Variants in ORC6 observed in about 807,000 individuals in gnomAD.
The protein encoded by ORC6 is origin recognition complex subunit 6, also known as origin recognition complex, subunit 6 homolog-like (yeast).
ORC6 carries 31 observed loss-of-function variants against 30.0 expected under a neutral mutation model. The observed-to-expected ratio is 1.03, with a 90% CI of 0.78 to 1.40. The LOEUF (loss-of-function observed/expected upper bound fraction) is 1.40. Among genes scored for constraint, ORC6 ranks in the 40% most tolerant of loss-of-function variants. The pLI is 0.00. For missense variants in ORC6, 340 were observed against 304.3 expected, an observed-to-expected ratio of 1.12 and a Z score of -0.87; for synonymous variants, 136 against 111.2, an observed-to-expected ratio of 1.22 and a Z score of -1.40.
chr16:46,692,382 G>C lies in ORC6; in HGVS notation c.196G>C (p.Ala66Pro), dbSNP rs768450500. The C allele has an allele frequency of 1.2e-6, 2 of 1,612,040 alleles. No homozygotes were observed. The highest frequency in any genetic ancestry group is 1.7e-5 in the Admixed American group (1 of 59,996). Residue 66 changes from alanine to proline, a missense_variant and splice_region_variant, in exon 3 of 7, where the codon GCT becomes CCT. Physicochemically the swap from Ala to Pro is conservative, Grantham distance 27. Transcript: ENST00000219097. ...ASWMKCPLDRAYLIKLSGLNK... is the reference protein window; with the variant it reads ...ASWMKCPLDRPYLIKLSGLNK... ...TGTGTATGTGTTTTTCCTTTCACAG[G>C]CTTATTTAATTAAACTTTCTGGTTT...
chr16:46,690,998 G>A lies in ORC6; in HGVS notation c.73G>A (p.Glu25Lys). 1 of 1,614,240 alleles carries A rather than the reference G, an allele frequency of 6.2e-7. No individual in the cohort carries two copies. The highest frequency in any genetic ancestry group is 8.5e-7 in the Non-Finnish European group (1 of 1,180,042). ...LAEPDMLRKA[E>K]EYLRLSRVKC... ...CACTGCCCTTTTAACCAGGAAAGCAGAGGAGTACTTGCGCCTGTCCCGGGT... is the reference window on the plus strand; with the variant it reads ...CACTGCCCTTTTAACCAGGAAAGCAAAGGAGTACTTGCGCCTGTCCCGGGT... The change falls in exon 2 of 7, where the codon GAG becomes AAG. Residue 25 changes from glutamate to lysine, a missense_variant. Transcript: ENST00000219097.
intron 4 of ORC6, chr16:46,694,077 C>T (rs1253528878): frequency 2.3e-5 from 1 of 42,720 alleles, no homozygotes; most frequent in Non-Finnish European, 4.7e-5. Flanking sequence ...GAGCATGCTG[C>T]CTTCAAGCAT....
At position 46,692,379 on chromosome 16, in the gene ORC6, C is replaced by T. The variant is rs1172137807; in HGVS notation, c.196-3C>T. On this transcript the variant is annotated splice_polypyrimidine_tract_variant and splice_region_variant and intron_variant, in intron 2 of 6. Coordinates refer to ENST00000219097, the MANE Select transcript of ORC6 (RefSeq NM_014321.4). ...ATTTGTGTATGTGTTTTTCCTTTCA[C>T]AGGCTTATTTAATTAAACTTTCTGG... 6.2e-7 allele frequency: 1 copy of T among 1,611,440 alleles called. No individual in the cohort carries two copies. Among genetic ancestry groups the T allele is most frequent in the African/African-American group, 1.3e-5 (1 of 74,854 alleles).
At chr16:46,695,043 G>T (rs1966503942) in intron 4 of ORC6, 1 of 168,038 alleles carries the variant, frequency 6.0e-6, no homozygotes, top group Non-Finnish European at 1.3e-5. Context: ...GTAGAAAACA[G>T]TGAGAATAGT....
chr16:46,697,912 C>T lies in ORC6; in HGVS notation c.*327C>T, dbSNP rs1173616958. 2.4e-5 allele frequency: 11 copies of T among 460,800 alleles called. No homozygotes were observed. Among genetic ancestry groups the T allele is most frequent in the Admixed American group, 1.9e-4 (8 of 42,776 alleles). 28.5% of individuals were successfully genotyped at this position (460,800 alleles called of 1,614,324 possible). On this transcript the variant is annotated 3_prime_UTR_variant, in exon 7 of 7. Coordinates refer to ENST00000219097, the MANE Select transcript of ORC6 (RefSeq NM_014321.4). ...GGTGGATCACCTGAGGTCAGGAGCT[C>T]GAGACCAGCCTGGCCAACATGGTGA...
At chr16:46,695,862 G>A in intron 5 of ORC6, 155 bp from the exon 6 acceptor site, 1 of 760,574 alleles carries the variant, frequency 1.3e-6, no homozygotes, top group South Asian at 1.5e-5. Context: ...TGATTCTCAA[G>A]TCTGACAAGA....
intron 4 of ORC6, 89 bp from the exon 5 acceptor site, chr16:46,695,473 T>C: frequency 1.2e-6 from 1 of 807,878 alleles, no homozygotes; most frequent in South Asian, 1.5e-5. Flanking sequence ...GGAAGCATGG[T>C]CAAAAAGAAA....
chr16:46,694,530 G>A (rs1478652653), intron 4 of ORC6: 11 of 142,434 alleles, frequency 7.7e-5, no homozygotes, highest in African/African-American at 2.3e-4. Flanking sequence ...GCGGCTGGCC[G>A]GGCGGGGGGC....
Position 46,695,677 on chromosome 16 carries a change from A to G in ORC6, c.562+3A>G. 2 of 1,557,806 alleles carry G rather than the reference A, an allele frequency of 1.3e-6. No homozygotes were observed. The highest frequency in any genetic ancestry group is 2.2e-5 in the South Asian group (2 of 89,892). On this transcript the variant is annotated splice_donor_region_variant and intron_variant, in intron 5 of 6. Transcript: ENST00000219097. ...GAAGATTGGACAGCAGGTCGACAGT[A>G]AGTATTCTGTAGTTCAAGAATGCGT...
At chr16:46,695,350 G>A in intron 4 of ORC6, 1 of 560,558 alleles carries the variant, frequency 1.8e-6, no homozygotes, top group Non-Finnish European at 3.2e-6. Flanking sequence ...TGCCCCTTTT[G>A]TTATAAAATA....
chr16:46,693,879 T>TTTTTTA (rs1966484716), intron 4 of ORC6: 1 of 77,820 alleles, frequency 1.3e-5, no homozygotes, highest in Non-Finnish European at 2.3e-5. Context: ...TTATTTTTTT[T>TTTTTTA]TTGATAATTC....
rs772524987 is a variant in ORC6 at position 46,695,546 on chromosome 16, T to A, written c.450-16T>A. On this transcript the variant is annotated splice_polypyrimidine_tract_variant and intron_variant, in intron 4 of 6. Coordinates refer to ENST00000219097, the MANE Select transcript of ORC6 (RefSeq NM_014321.4). Reference sequence around the variant, plus strand: ...TACAGGTCTTGAGAAAAGCAACTTATGAAATTGTTTTGTAGGATTCTAAAG... The same window carrying A: ...TACAGGTCTTGAGAAAAGCAACTTAAGAAATTGTTTTGTAGGATTCTAAAG... The A allele has an allele frequency of 1.2e-5, 18 of 1,529,236 alleles. No individual in the cohort carries two copies. Among genetic ancestry groups the A allele is most frequent in the Non-Finnish European group, 1.5e-5 (17 of 1,102,690 alleles). The allele number at this position is 1,529,236 out of a possible 1,614,324, so 94.7% of individuals were successfully genotyped here. A position where few individuals can be genotyped will look rare whatever the true frequency, so the allele number is the denominator to read the frequency against.
intron 4 of ORC6, 21 bp from the exon 5 acceptor site, chr16:46,695,541 A>G (rs762063173): frequency 6.7e-7 from 1 of 1,484,080 alleles, no homozygotes; most frequent in Non-Finnish European, 9.4e-7. Flanking sequence ...GAGAAAAGCA[A>G]CTTATGAAAT....
At chr16:46,689,864 G>T (rs1318142531) in intron 1 of ORC6, 94 bp downstream of exon 1, 6 of 1,452,230 alleles carry the variant, frequency 4.1e-6, no homozygotes, top group Non-Finnish European at 5.4e-6. Flanking sequence ...GACGGGCGGC[G>T]GGGGAGTGAC....
At chr16:46,692,962 A>T in intron 3 of ORC6, 131 bp from the exon 4 acceptor site, 1 of 709,788 alleles carries the variant, frequency 1.4e-6, no homozygotes, top group South Asian at 1.5e-5. Context: ...TTTCAGTCTT[A>T]AAAAAAATGA....
intron 4 of ORC6, chr16:46,693,522 C>T: frequency 2.8e-6 from 1 of 359,506 alleles, no homozygotes; most frequent in South Asian, 2.5e-5. Flanking sequence ...ACTGGTTGGG[C>T]CAGGCGTGGT....
intron 1 of ORC6, 141 bp from the exon 2 acceptor site, chr16:46,690,850 T>A: frequency 1.2e-6 from 1 of 806,284 alleles, no homozygotes; most frequent in East Asian, 2.5e-5. Flanking sequence ...CCAGAGGATA[T>A]GACCTTCATT....
intron 4 of ORC6, chr16:46,694,483 G>C (rs1466148497): frequency 1.1e-4 from 15 of 141,920 alleles, no homozygotes; most frequent in African/African-American, 3.9e-4. Flanking sequence ...CTGGCCGGGC[G>C]GGGGGGCTGA....
Position 46,689,754 on chromosome 16 carries a change from G to A in ORC6, c.49G>A (p.Glu17Lys). The A allele has an allele frequency of 6.3e-7, 1 of 1,598,568 alleles. No homozygotes were observed. Among genetic ancestry groups the A allele is most frequent in the South Asian group, 1.1e-5 (1 of 88,938 alleles). The change falls in exon 1 of 7, where the codon GAG (glutamate) becomes AAG (lysine). Residue 17 changes from glutamate to lysine, a missense_variant. Coordinates refer to ENST00000219097, the MANE Select transcript of ORC6 (RefSeq NM_014321.4). ...CCTAGCCCCGCGCCTGGGCCTCGCC[G>A]AGCCCGACATGCTGAGGTGAGTTCG... ...GRLAPRLGLA[E>K]PDMLRKAEEY...
Sources: allele counts gnomAD v4.1 joint callset, GRCh38; gene constraint gnomAD v4.1.1; transcripts MANE v1.5; gene names NCBI Gene and HGNC (gene_info 2026-07-23, HGNC 2026-07-21).